The following GNA13 variants were observed in gnomAD, a reference collection of about 807,000 sequenced individuals.
GNA13 encodes the protein G protein subunit alpha 13.
Under a neutral mutation model 33.5 loss-of-function variants are expected in GNA13, and 4 were observed. That is an observed-to-expected ratio of 0.12 (90% CI 0.06 to 0.27). GNA13 has a LOEUF of 0.27. Ranked by LOEUF, GNA13 falls within the 10% of genes least tolerant of loss-of-function variation. The probability of loss-of-function intolerance (pLI) is 1.00; values close to 1 mark genes in which losing one functional copy is unlikely to be tolerated. For missense variants in GNA13, 319 were observed against 487.2 expected (o/e 0.65, Z 3.25); for synonymous variants, 176 against 183.8 (o/e 0.96, Z 0.34).
intron 2 of GNA13, chr17:65,053,041 A>C (rs1357307982): frequency 6.3e-6 from 1 of 158,116 alleles, no homozygotes; most frequent in Non-Finnish European, 1.4e-5. Context: ...CCCCCCAAAA[A>C]CAAAAAAACA....
chr17:65,017,826 ACC>A (rs1235096142), intron 3 of GNA13, among the ~76,000 whole-genome samples: 1 of 152,058 alleles, frequency 6.6e-6, no homozygotes, highest in Non-Finnish European at 1.5e-5. Flanking sequence ...ACAAACAAAA[ACC>A]TCTAAAGATA....
At chr17:65,024,017 G>A (rs1026732742) in intron 2 of GNA13, among the ~76,000 whole-genome samples, 14 of 152,288 alleles carry the variant, frequency 9.2e-5, no homozygotes, top group Admixed American at 5.9e-4. Context: ...TTGGGAGGAC[G>A]CCAAAGCGGG....
At chr17:65,028,100 C>CAT (rs1906861223) in intron 2 of GNA13, among the ~76,000 whole-genome samples, 1 of 152,194 alleles carries the variant, frequency 6.6e-6, no homozygotes, top group South Asian at 2.1e-4. Context: ...GTGGCGGGTG[C>CAT]CTGTAGTCCC....
At chr17:65,028,980 A>G (rs1171409590) in intron 2 of GNA13, among the ~76,000 whole-genome samples, 1 of 152,180 alleles carries the variant, frequency 6.6e-6, no homozygotes, top group Admixed American at 6.5e-5. Flanking sequence ...AAGAAAAAAA[A>G]AGGAGGCAGA....
chr17:65,053,186 T>C (rs935308647), intron 2 of GNA13: 1 of 245,390 alleles, frequency 4.1e-6, no homozygotes, highest in Non-Finnish European at 7.8e-6. Context: ...ATTTTGAATT[T>C]TTTCAGATTT....
rs1233241983 is a variant in GNA13 at position 65,011,734 on chromosome 17, T to C, written c.*2523A>G. On this transcript the variant is annotated 3_prime_UTR_variant, in exon 4 of 4. Transcript: ENST00000439174. ...ATAAAGATTTAGAAAATCAAATACA[T>C]CAAAGAACTTTAAATCTAAATTACT... The C allele has an allele frequency of 4.4e-6, 1 of 227,762 alleles. No homozygotes were observed. The highest frequency in any genetic ancestry group is 8.7e-6 in the Non-Finnish European group (1 of 114,696). 14.1% of individuals were successfully genotyped at this position (227,762 alleles called of 1,614,324 possible).
intron 3 of GNA13, among the ~76,000 whole-genome samples, chr17:65,016,206 G>C (rs182915762): frequency 1.0e-3 from 157 of 152,154 alleles, no homozygotes; most frequent in African/African-American, 3.5e-3. Context: ...TTATCATCAA[G>C]GTCAAAATAT....
At chr17:65,046,664 T>C (rs1251905845) in intron 2 of GNA13, among the ~76,000 whole-genome samples, 2 of 152,336 alleles carry the variant, frequency 1.3e-5, no homozygotes, top group Non-Finnish European at 2.9e-5. Flanking sequence ...CAAGGAGTCC[T>C]TTGGCCATTA....
At position 65,014,593 on chromosome 17, in the gene GNA13, T is replaced by C; in HGVS notation, c.798A>G (p.Thr266=). The C allele has an allele frequency of 6.2e-7, 1 of 1,614,100 alleles. No homozygotes were observed. Among genetic ancestry groups the C allele is most frequent in the South Asian group, 1.1e-5 (1 of 91,080 alleles). ...LMEDRLTNRL[T]ESLNIFETIV... is the part of the protein sequence containing the mutation. ...TTGTTTCAAAAATGTTCAGAGACTC[T>C]GTAAGGCGATTGGTCAGTCGATCTT... Residue 266 remains threonine (T), a synonymous_variant, in exon 4 of 4, where the codon ACA becomes ACG. Coordinates refer to ENST00000439174, the MANE Select transcript of GNA13 (RefSeq NM_006572.6). This position sits in a 1 kb window ranked among gnomAD's most constrained non-coding sequence, Gnocchi z 5.3.
rs962195384 is a variant in GNA13 at position 65,011,588 on chromosome 17, A to T, written c.*2669T>A. Reference sequence around the variant, plus strand: ...TGTTTTATAAGGCAACTGTATATACATTTCTTCAAGGTCAATGAAGACACT... The same window carrying T: ...TGTTTTATAAGGCAACTGTATATACTTTTCTTCAAGGTCAATGAAGACACT... On this transcript the variant is annotated 3_prime_UTR_variant, in exon 4 of 4. Transcript: ENST00000439174. 15 of 213,592 alleles carry T rather than the reference A, an allele frequency of 7.0e-5. No homozygotes were observed. The highest frequency in any genetic ancestry group is 3.2e-4 in the African/African-American group (14 of 44,224). The allele number at this position is 213,592 out of a possible 1,614,324, so 13.2% of individuals were successfully genotyped here. A position where few individuals can be genotyped will look rare whatever the true frequency, so the allele number is the denominator to read the frequency against.
chr17:65,032,842 G>A (rs889064531), intron 2 of GNA13, among the ~76,000 whole-genome samples: 2 of 152,088 alleles, frequency 1.3e-5, no homozygotes, highest in African/African-American at 4.8e-5. Context: ...TGGGTGCGGC[G>A]GCTCATGTCT....
At chr17:65,016,449 C>T (rs1396465367) in intron 3 of GNA13, among the ~76,000 whole-genome samples, 1 of 152,160 alleles carries the variant, frequency 6.6e-6, no homozygotes, top group Non-Finnish European at 1.5e-5. Flanking sequence ...GCAACCTGCG[C>T]CTCCCAGGTT....
intron 2 of GNA13, among the ~76,000 whole-genome samples, chr17:65,018,855 G>A (rs1906477763): frequency 6.6e-6 from 1 of 152,164 alleles, no homozygotes; most frequent in African/African-American, 2.4e-5. Context: ...CTTTTCCCGA[G>A]TGGCCTATCC....
At chr17:65,037,697 C>T (rs530698989) in intron 2 of GNA13, among the ~76,000 whole-genome samples, 7 of 136,480 alleles carry the variant, frequency 5.1e-5, no homozygotes, top group Admixed American at 8.4e-5. Context: ...ATTGGGAGGC[C>T]GAGAGAGGCA....
chr17:65,015,330 C>A (rs549333816), intron 3 of GNA13, among the ~76,000 whole-genome samples: 3 of 152,120 alleles, frequency 2.0e-5, no homozygotes, highest in African/African-American at 7.2e-5. Context: ...TTCCTGTCTG[C>A]GTATCTACCT....
In GNA13 at chr17:65,009,629, C is replaced by G. The variant is rs1398838162; in HGVS notation, c.*4628G>C. Among the ~76,000 whole-genome samples the G allele has an allele frequency of 6.6e-6, 1 of 152,102 alleles. No individual in the cohort carries two copies. Among genetic ancestry groups the G allele is most frequent in the Non-Finnish European group, 1.5e-5 (1 of 68,008 alleles). ...AGTCATGTTTTGTTAGGTACAGTATCTACGGGGTTATTACAAAATATACTT... is the reference window on the plus strand; with the variant it reads ...AGTCATGTTTTGTTAGGTACAGTATGTACGGGGTTATTACAAAATATACTT... On this transcript the variant is annotated 3_prime_UTR_variant, in exon 4 of 4. Coordinates refer to ENST00000439174, the MANE Select transcript of GNA13 (RefSeq NM_006572.6).
rs928241556 is a variant in GNA13, at chr17:65,012,285, C to T, written c.*1972G>A. ...CCCTCACTGGAGTCAAATGTTTTGG[C>T]CATTCAATTTGCTAAATGTATGGGT... On this transcript the variant is annotated 3_prime_UTR_variant, in exon 4 of 4. Coordinates refer to ENST00000439174, the MANE Select transcript of GNA13 (RefSeq NM_006572.6). 3 of 222,896 alleles carry T rather than the reference C, an allele frequency of 1.3e-5. No homozygotes were observed. Among genetic ancestry groups the T allele is most frequent in the South Asian group, 1.8e-4 (1 of 5,420 alleles). 13.8% of individuals were successfully genotyped at this position (222,896 alleles called of 1,614,324 possible).
At chr17:65,035,612 C>A (rs1304831166) in intron 2 of GNA13, among the ~76,000 whole-genome samples, 1 of 152,018 alleles carries the variant, frequency 6.6e-6, no homozygotes, top group Non-Finnish European at 1.5e-5. Flanking sequence ...AAACCACTTT[C>A]CTACTCTTCA....
At chr17:65,046,048 G>C (rs1414254345) in intron 2 of GNA13, among the ~76,000 whole-genome samples, 1 of 152,026 alleles carries the variant, frequency 6.6e-6, no homozygotes. Context: ...GCATCTCAAG[G>C]GATCTTTCTG....
Sources: allele counts gnomAD v4.1 joint callset (sites outside exome capture counted in the v4.1 genomes callset), GRCh38; gene constraint gnomAD v4.1.1; non-coding constraint Gnocchi (gnomAD v3.1); transcripts MANE v1.5; gene names NCBI Gene and HGNC (gene_info 2026-07-23, HGNC 2026-07-21).